The following EXT1 variants were observed in gnomAD, a reference collection of about 807,000 sequenced individuals.
EXT1 encodes exostosin-1.
A neutral mutation model predicts 82.5 loss-of-function variants in EXT1; 20 were observed. The observed-to-expected ratio is 0.24, with a 90% CI of 0.17 to 0.35. The LOEUF is 0.35. EXT1 is among the 10% of genes least tolerant of loss of function. The pLI is 1.00. For synonymous variants in EXT1, 348 were observed against 350.8 expected, an observed-to-expected ratio of 0.99 and a Z score of 0.09; for missense variants, 757 against 936.5, an observed-to-expected ratio of 0.81 and a Z score of 2.50.
intron 1 of EXT1, among the ~76,000 whole-genome samples, chr8:117,908,577 C>A (rs1233830697): frequency 2.6e-5 from 4 of 151,904 alleles, no homozygotes; most frequent in African/African-American, 4.8e-5. Context: ...TTGCAGTGAG[C>A]CAAGATCGTG....
At chr8:117,919,798 C>T (rs2130010256) in intron 1 of EXT1, among the ~76,000 whole-genome samples, 1 of 152,286 alleles carries the variant, frequency 6.6e-6, no homozygotes, top group Middle Eastern at 3.4e-3. Flanking sequence ...GCTACCACAC[C>T]TGACCAAGAG....
At chr8:118,007,368 G>C (rs1815801924) in intron 1 of EXT1, among the ~76,000 whole-genome samples, 1 of 152,146 alleles carries the variant, frequency 6.6e-6, no homozygotes, top group East Asian at 1.9e-4. Flanking sequence ...AAGAATATCT[G>C]CATCCTTTCT....
rs994178908 is a variant in EXT1, at chr8:117,849,418, C to A, written c.963-12217G>T. ...AATCTTTTAGGAAATATTTGTTGAA[C>A]CTATGTCAGATTATTCAACACTCAC... is the stretch of plus-strand genomic sequence containing the variant. On this transcript the variant is annotated intron_variant, in intron 1 of 10. Transcript: ENST00000378204. Among the ~76,000 whole-genome samples, 2 of 152,160 alleles carry A rather than the reference C, an allele frequency of 1.3e-5. 1 individual carries two copies. The highest frequency in any genetic ancestry group is 4.1e-4 in the South Asian group (2 of 4,832).
At chr8:117,907,239 T>C (rs1191377135) in intron 1 of EXT1, among the ~76,000 whole-genome samples, 1 of 152,250 alleles carries the variant, frequency 6.6e-6, no homozygotes, top group East Asian at 1.9e-4. Flanking sequence ...TAATAACGAA[T>C]GCAATCAGTC....
intron 1 of EXT1, among the ~76,000 whole-genome samples, chr8:117,982,640 G>A (rs775688017): frequency 2.4e-4 from 37 of 152,078 alleles, no homozygotes; most frequent in African/African-American, 4.1e-4. Context: ...ACAGGGGTGC[G>A]CCACCACACC....
chr8:118,106,307 T>G (rs968569937), intron 1 of EXT1, among the ~76,000 whole-genome samples: 1 of 152,198 alleles, frequency 6.6e-6, no homozygotes, highest in Non-Finnish European at 1.5e-5. Context: ...TGCCTGAGAA[T>G]AGAAATGAAA....
chr8:117,906,028 T>C (rs1231399162), intron 1 of EXT1, among the ~76,000 whole-genome samples: 1 of 152,220 alleles, frequency 6.6e-6, no homozygotes, highest in Non-Finnish European at 1.5e-5. Flanking sequence ...CTACACTTCC[T>C]GCTATTTGCT....
chr8:117,865,490 A>T (rs1336168400), intron 1 of EXT1, among the ~76,000 whole-genome samples: 1 of 152,178 alleles, frequency 6.6e-6, no homozygotes, highest in Non-Finnish European at 1.5e-5. Flanking sequence ...CATCCAGTGG[A>T]CTTACTTAGA....
At chr8:118,052,546 A>G (rs563337297) in intron 1 of EXT1, among the ~76,000 whole-genome samples, 198 of 152,350 alleles carry the variant, frequency 1.3e-3, no homozygotes, top group Middle Eastern at 3.4e-3. Context: ...TAATGTGGGC[A>G]TCATAGTCAC....
chr8:117,998,780 G>A (rs1383107348), intron 1 of EXT1, among the ~76,000 whole-genome samples: 1 of 152,162 alleles, frequency 6.6e-6, no homozygotes, highest in African/African-American at 2.4e-5. Flanking sequence ...CCCCAAATGA[G>A]TCAGAATGAG....
intron 1 of EXT1, among the ~76,000 whole-genome samples, chr8:117,995,996 C>T (rs1337930861): frequency 2.0e-5 from 3 of 152,172 alleles, no homozygotes; most frequent in Non-Finnish European, 4.4e-5. Context: ...AGCAATATTT[C>T]TTGTCCTGGT....
At chr8:117,866,262 T>A (rs1204979936) in intron 1 of EXT1, among the ~76,000 whole-genome samples, 1 of 152,164 alleles carries the variant, frequency 6.6e-6, no homozygotes, top group African/African-American at 2.4e-5. Context: ...TGAAAAATAC[T>A]AAAAATATTT....
intron 1 of EXT1, among the ~76,000 whole-genome samples, chr8:117,965,674 C>T (rs547672262): frequency 4.5e-4 from 69 of 152,272 alleles, no homozygotes; most frequent in African/African-American, 1.1e-3. Flanking sequence ...AAAACACTAG[C>T]ACATTGTCAG....
chr8:117,870,382 T>C (rs977798984), intron 1 of EXT1, among the ~76,000 whole-genome samples: 5 of 152,220 alleles, frequency 3.3e-5, no homozygotes, highest in African/African-American at 1.2e-4. Flanking sequence ...ACATTCAACA[T>C]TTGATGCTAG....
intron 1 of EXT1, among the ~76,000 whole-genome samples, chr8:118,011,748 A>T (rs943478513): frequency 2.0e-5 from 3 of 152,230 alleles, no homozygotes; most frequent in African/African-American, 7.2e-5. Flanking sequence ...GGTTTTCCCA[A>T]GATCGGGCTC....
At chr8:117,860,457 G>C (rs1812662193) in intron 1 of EXT1, among the ~76,000 whole-genome samples, 1 of 152,180 alleles carries the variant, frequency 6.6e-6, no homozygotes, top group Admixed American at 6.5e-5. Flanking sequence ...TCGCCACTAT[G>C]CAGTATGTCC....
chr8:117,850,957 T>C (rs17474846), intron 1 of EXT1, among the ~76,000 whole-genome samples: 2 of 151,816 alleles, frequency 1.3e-5, no homozygotes, highest in African/African-American at 4.8e-5. Context: ...AAAACAGAAA[T>C]AAAACCCAAA....
At chr8:117,804,997 G>A in intron 9 of EXT1, 104 bp from the exon 10 acceptor site, 1 of 978,816 alleles carries the variant, frequency 1.0e-6, no homozygotes, top group Non-Finnish European at 1.6e-6. Flanking sequence ...CCCTAAACAT[G>A]TCATGAATGG....
chr8:117,968,926 C>T (rs998877059), intron 1 of EXT1, among the ~76,000 whole-genome samples: 2 of 152,166 alleles, frequency 1.3e-5, no homozygotes, highest in African/African-American at 4.8e-5. Context: ...TTGTATACAG[C>T]TCTGTCTCTT....
Sources: gnomAD v4.1 joint callset for allele counts (sites outside exome capture counted in the v4.1 genomes callset) on GRCh38, gnomAD v4.1.1 for gene constraint, MANE v1.5 for transcripts, NCBI Gene and HGNC (gene_info 2026-07-23, HGNC 2026-07-21) for gene names.